PDE4B: variants seen among roughly 807,000 people sequenced by gnomAD.
PDE4B encodes 3',5'-cyclic-AMP phosphodiesterase 4B.
A neutral mutation model predicts 82.2 loss-of-function variants in PDE4B; 20 were observed. The ratio of observed to expected loss-of-function variants is 0.24; its 90% CI spans 0.17 to 0.35. PDE4B has a LOEUF of 0.35. Among genes scored for constraint, PDE4B ranks in the 10% least tolerant of loss-of-function variants. PDE4B has a pLI of 1.00. For missense variants in PDE4B, 655 were observed against 907.2 expected (o/e 0.72, Z 3.57); for synonymous variants, 320 against 318.9 (o/e 1.00, Z -0.04).
intron 3 of PDE4B, among the ~76,000 whole-genome samples, chr1:66,178,860 C>CT (rs910194424): frequency 2.0e-5 from 3 of 150,694 alleles, no homozygotes; most frequent in Admixed American, 6.6e-5. Context: ...CTTTTTTTTT[C>CT]TTTTTTTTGA....
chr1:65,793,833 G>A (rs780712551), intron 1 of PDE4B, among the ~76,000 whole-genome samples: 1 of 152,212 alleles, frequency 6.6e-6, no homozygotes, highest in South Asian at 2.1e-4. Flanking sequence ...GTTGGGGAAG[G>A]AAGAGGCTCT....
intron 9 of PDE4B, among the ~76,000 whole-genome samples, chr1:66,356,463 T>C (rs940206903): frequency 1.3e-5 from 2 of 152,198 alleles, no homozygotes; most frequent in Admixed American, 1.3e-4. Flanking sequence ...ATGGATAGCA[T>C]TTAGATTCTG....
At chr1:65,913,182 T>A (rs1432299995) in intron 1 of PDE4B, 63 bp from the exon 2 acceptor site, 4 of 652,982 alleles carry the variant, frequency 6.1e-6, no homozygotes, top group Non-Finnish European at 1.1e-5. Flanking sequence ...TTAGAGAGTA[T>A]GCCACATATT....
chr1:66,068,866 A>T (rs1656005868), intron 3 of PDE4B, among the ~76,000 whole-genome samples: 1 of 151,976 alleles, frequency 6.6e-6, no homozygotes, highest in Admixed American at 6.6e-5. Flanking sequence ...TTTGTAACAG[A>T]TAGGTACATG....
chr1:65,882,240 T>C (rs1035541463), intron 1 of PDE4B, among the ~76,000 whole-genome samples: 5 of 152,170 alleles, frequency 3.3e-5, no homozygotes, highest in African/African-American at 1.2e-4. Flanking sequence ...TGGTTACCAG[T>C]GTGCATCTGT....
At chr1:66,004,554 C>T (rs1260441248) in intron 3 of PDE4B, among the ~76,000 whole-genome samples, 2 of 152,000 alleles carry the variant, frequency 1.3e-5, no homozygotes, top group African/African-American at 4.8e-5. Context: ...TTTAAAATTC[C>T]AGTTACCTTC....
chr1:66,149,092 C>T (rs1000388267), intron 3 of PDE4B, among the ~76,000 whole-genome samples: 4 of 152,308 alleles, frequency 2.6e-5, no homozygotes, highest in East Asian at 1.9e-4. Context: ...ATCCCTTCAG[C>T]AATGAATGAG....
chr1:65,881,329 G>A (rs1646705830), intron 1 of PDE4B, among the ~76,000 whole-genome samples: 1 of 152,134 alleles, frequency 6.6e-6, no homozygotes, highest in Admixed American at 6.6e-5. Context: ...GATCATTGTG[G>A]AGGTATAAAA....
chr1:65,916,736 A>G (rs1033814119), intron 2 of PDE4B, among the ~76,000 whole-genome samples: 4 of 152,040 alleles, frequency 2.6e-5, no homozygotes, highest in African/African-American at 9.7e-5. Flanking sequence ...CCTCTAATTT[A>G]CACACATAGA....
chr1:65,851,682 G>A (rs1646334820), intron 1 of PDE4B, among the ~76,000 whole-genome samples: 1 of 151,884 alleles, frequency 6.6e-6, no homozygotes, highest in African/African-American at 2.4e-5. Context: ...TAAATCTTGA[G>A]TCCTTGTTAA....
intron 3 of PDE4B, among the ~76,000 whole-genome samples, chr1:66,168,679 T>G (rs899718733): frequency 6.6e-6 from 1 of 152,220 alleles, no homozygotes; most frequent in African/African-American, 2.4e-5. Context: ...AACTGGAAGA[T>G]GTTCAGCTGG....
intron 3 of PDE4B, among the ~76,000 whole-genome samples, chr1:66,166,733 C>CAAAAA (rs903951141): frequency 1.6e-5 from 1 of 60,660 alleles, no homozygotes; most frequent in African/African-American, 6.0e-5. Context: ...GACTCTGTCT[C>CAAAAA]AAAAAAAAAA....
At chr1:65,870,160 G>C (rs1018279988) in intron 1 of PDE4B, among the ~76,000 whole-genome samples, 9 of 152,022 alleles carry the variant, frequency 5.9e-5, no homozygotes, top group African/African-American at 2.2e-4. Context: ...TTCCCAAGAG[G>C]GTTAGTTCTT....
At chr1:66,371,094 CTATATATATATATATATATATATATATA>C (rs557320202) in intron 16 of PDE4B, among the ~76,000 whole-genome samples, 1 of 74,840 alleles carries the variant, frequency 1.3e-5, no homozygotes, top group Non-Finnish European at 2.8e-5. Flanking sequence ...ACACATCATA[CTATATATATATATATATATATATATATA>C]TATATATATA....
At chr1:66,206,064 A>G (rs1311830960) in intron 3 of PDE4B, among the ~76,000 whole-genome samples, 1 of 152,188 alleles carries the variant, frequency 6.6e-6, no homozygotes, top group African/African-American at 2.4e-5. Context: ...ACACTCATGG[A>G]GTGGCGATGG....
chr1:65,889,666 T>C (rs184833842), intron 1 of PDE4B, among the ~76,000 whole-genome samples: 8 of 152,210 alleles, frequency 5.3e-5, no homozygotes, highest in Admixed American at 2.6e-4. Context: ...TGTCTGAGAG[T>C]TGGTCATGGC....
intron 3 of PDE4B, among the ~76,000 whole-genome samples, chr1:66,005,245 G>A (rs769634498): frequency 6.6e-6 from 1 of 151,900 alleles, no homozygotes; most frequent in Non-Finnish European, 1.5e-5. Flanking sequence ...ACAGGAGACA[G>A]ACTAAGTGGT....
At position 66,193,627 on chromosome 1, in the gene PDE4B, A is replaced by C. The variant is rs115494151; in HGVS notation, c.282-53833A>C. Among the ~76,000 whole-genome samples the C allele has an allele frequency of 4.2e-3, 644 of 152,308 alleles. 4 individuals carry two copies. The highest frequency in any genetic ancestry group is 0.015 in the African/African-American group (615 of 41,588). On this transcript the variant is annotated intron_variant, in intron 3 of 16. Coordinates refer to ENST00000341517, the MANE Select transcript of PDE4B (RefSeq NM_002600.4). ...AAGCTTAATGCGTGAAAAGGACAACAGTTTTCAAAATGTTGGCAGTTTCCT... is the reference window on the plus strand; with the variant it reads ...AAGCTTAATGCGTGAAAAGGACAACCGTTTTCAAAATGTTGGCAGTTTCCT...
intron 1 of PDE4B, among the ~76,000 whole-genome samples, chr1:65,803,246 T>C (rs1645717181): frequency 6.6e-6 from 1 of 152,202 alleles, no homozygotes; most frequent in African/African-American, 2.4e-5. Flanking sequence ...AGTTAGTTTT[T>C]TCACATTAAA....
Sources: gnomAD v4.1 joint callset for allele counts (sites outside exome capture counted in the v4.1 genomes callset) on GRCh38, gnomAD v4.1.1 for gene constraint, MANE v1.5 for transcripts, NCBI Gene and HGNC (gene_info 2026-07-23, HGNC 2026-07-21) for gene names.